The following PPFIBP1 variants were observed in gnomAD, a reference collection of about 807,000 sequenced individuals.
The protein encoded by PPFIBP1 is liprin-beta-1.
PPFIBP1 carries 112 observed loss-of-function variants against 137.8 expected under a neutral mutation model. The ratio of observed to expected loss-of-function variants is 0.81; its 90% confidence interval spans 0.70 to 0.95. The LOEUF (loss-of-function observed/expected upper bound fraction) is 0.95. Among genes scored for constraint, PPFIBP1 ranks in the 40% least tolerant of loss-of-function variants. The probability of loss-of-function intolerance (pLI) is 0.00; values close to 1 mark genes in which losing one functional copy is unlikely to be tolerated. For missense variants in PPFIBP1, 1,083 were observed against 1,196.6 expected (o/e 0.91, Z 1.40); for synonymous variants, 378 against 417.3 (o/e 0.91, Z 1.15).
intron 2 of PPFIBP1, among the ~76,000 whole-genome samples, chr12:27,601,011 C>T (rs1308164379): frequency 6.6e-6 from 1 of 152,042 alleles, no homozygotes; most frequent in African/African-American, 2.4e-5. Flanking sequence ...TTTAAGTATA[C>T]AGTACATTAT....
intron 1 of PPFIBP1, among the ~76,000 whole-genome samples, chr12:27,556,603 G>A (rs1334435266): frequency 6.6e-6 from 1 of 152,156 alleles, no homozygotes; most frequent in Non-Finnish European, 1.5e-5. Context: ...GTTACTGAGG[G>A]AACAGGAAAT....
intron 12 of PPFIBP1, among the ~76,000 whole-genome samples, chr12:27,665,196 A>T (rs918666276): frequency 1.3e-5 from 2 of 152,206 alleles, no homozygotes; most frequent in Non-Finnish European, 2.9e-5. Flanking sequence ...TCAAAAAAAA[A>T]GTCAGCAGCA....
intron 1 of PPFIBP1, among the ~76,000 whole-genome samples, chr12:27,543,824 C>T (rs1419862963): frequency 4.6e-5 from 7 of 151,392 alleles, no homozygotes; most frequent in Admixed American, 4.6e-4. Context: ...AATTCTTTTC[C>T]TAAAATTTCA....
At chr12:27,579,354 C>T (rs1592598393) in intron 2 of PPFIBP1, among the ~76,000 whole-genome samples, 1 of 152,206 alleles carries the variant, frequency 6.6e-6, no homozygotes, top group South Asian at 2.1e-4. Context: ...AAGTGGATAG[C>T]TTGAGGGAAT....
At chr12:27,692,761 C>T in intron 29 of PPFIBP1, 35 bp from the exon 30 acceptor site, 1 of 1,613,986 alleles carries the variant, frequency 6.2e-7, no homozygotes, top group Non-Finnish European at 8.5e-7. Context: ...GAGCTCTTGG[C>T]TCTCAGTGTG....
At chr12:27,679,707 G>A (rs2060767955) in intron 20 of PPFIBP1, 68 bp downstream of exon 20, 6 of 1,538,738 alleles carry the variant, frequency 3.9e-6, no homozygotes, top group Non-Finnish European at 5.3e-6. Flanking sequence ...GCTGGACATG[G>A]GTATGGACTT....
intron 1 of PPFIBP1, among the ~76,000 whole-genome samples, chr12:27,556,154 CA>C (rs1251162521): frequency 2.0e-5 from 3 of 152,258 alleles, no homozygotes; most frequent in Non-Finnish European, 4.4e-5. Context: ...CTGGAGAAAT[CA>C]AAGCTCGGTG....
intron 2 of PPFIBP1, among the ~76,000 whole-genome samples, chr12:27,585,728 T>G (rs1390071993): frequency 2.0e-5 from 3 of 152,204 alleles, no homozygotes; most frequent in Admixed American, 2.0e-4. Context: ...TCCAACCTGC[T>G]CTGTTCTACG....
intron 4 of PPFIBP1, among the ~76,000 whole-genome samples, chr12:27,641,611 T>C (rs2058107025): frequency 6.6e-6 from 1 of 152,216 alleles, no homozygotes; most frequent in South Asian, 2.1e-4. Context: ...ATTATGTCTT[T>C]ATGCTTGATT....
At chr12:27,626,002 A>G (rs2056789132) in intron 2 of PPFIBP1, among the ~76,000 whole-genome samples, 1 of 152,068 alleles carries the variant, frequency 6.6e-6, no homozygotes, top group Non-Finnish European at 1.5e-5. Flanking sequence ...AAAGTATTGT[A>G]ACATTAGATA....
chr12:27,625,872 T>C (rs1468283925), intron 2 of PPFIBP1, among the ~76,000 whole-genome samples: 1 of 152,094 alleles, frequency 6.6e-6, no homozygotes, highest in African/African-American at 2.4e-5. Context: ...GGTGAGCCAC[T>C]GCGCCTGGCC....
intron 4 of PPFIBP1, among the ~76,000 whole-genome samples, chr12:27,641,995 A>G (rs1230340361): frequency 6.6e-6 from 1 of 151,446 alleles, no homozygotes; most frequent in African/African-American, 2.4e-5. Context: ...AAGGCTTTCC[A>G]CTTAGATGGT....
intron 2 of PPFIBP1, among the ~76,000 whole-genome samples, chr12:27,613,373 TATGCTATCAG>T (rs1299563621): frequency 7.9e-5 from 12 of 152,212 alleles, no homozygotes. Context: ...CCAGGGTAGA[TATGCTATCAG>T]AGCTTAGATG....
intron 24 of PPFIBP1, among the ~76,000 whole-genome samples, chr12:27,686,568 T>C (rs2052675): frequency 0.78 from 118,348 of 152,154 alleles, 48,233 homozygotes; most frequent in Non-Finnish European, 0.89. Context: ...ATTATAGTTG[T>C]GCCAAAATTG....
In PPFIBP1 at chr12:27,593,730, A is replaced by C. The variant is rs906995740; in HGVS notation, c.-36+15491A>C. On this transcript the variant is annotated intron_variant, in intron 2 of 29. Transcript: ENST00000228425. ...GGCTCCATTTAGAAGCCTATTAGCT[A>C]TTGAGTCTGTGTTGTCAGAGCCAAC... The C allele has an allele frequency of 1.3e-4, 82 of 640,940 alleles. 3 individuals are homozygous for C. Among genetic ancestry groups the C allele is most frequent in the South Asian group, 1.1e-3 (53 of 46,720 alleles). The allele number at this position is 640,940 out of a possible 1,614,324, so 39.7% of individuals were successfully genotyped here.
intron 2 of PPFIBP1, among the ~76,000 whole-genome samples, chr12:27,585,573 C>T (rs186833845): frequency 6.6e-6 from 1 of 152,286 alleles, no homozygotes; most frequent in East Asian, 1.9e-4. Flanking sequence ...GGCTTTGGAG[C>T]ATGCAAAGAT....
intron 1 of PPFIBP1, among the ~76,000 whole-genome samples, chr12:27,525,901 A>G (rs1209942875): frequency 6.6e-6 from 1 of 152,186 alleles, no homozygotes; most frequent in Non-Finnish European, 1.5e-5. Context: ...AATTAAATAG[A>G]GTGGATAAAA....
At chr12:27,563,895 C>T (rs912690329) in intron 1 of PPFIBP1, among the ~76,000 whole-genome samples, 12 of 145,554 alleles carry the variant, frequency 8.2e-5, no homozygotes, top group East Asian at 4.1e-4. Flanking sequence ...TTTTTTGAGA[C>T]GGAGTCTCTC....
chr12:27,555,190 C>T (rs1363403893), intron 1 of PPFIBP1, among the ~76,000 whole-genome samples: 1 of 152,168 alleles, frequency 6.6e-6, no homozygotes. Context: ...TCCCCTTCGA[C>T]AATAAGGTTC....
Sources: allele counts gnomAD v4.1 joint callset (sites outside exome capture counted in the v4.1 genomes callset), GRCh38; gene constraint gnomAD v4.1.1; transcripts MANE v1.5; gene names NCBI Gene and HGNC (gene_info 2026-07-23, HGNC 2026-07-21).